The following KIF16B variants were observed in gnomAD, a reference collection of about 807,000 sequenced individuals.
KIF16B encodes kinesin family member 16B, also known as kinesin-like protein KIF16B.
In KIF16B, 98 loss-of-function variants were observed where a neutral mutation model predicts 156.3. The ratio of observed to expected loss-of-function variants is 0.63; its 90% CI spans 0.53 to 0.74. KIF16B has a LOEUF of 0.74. Among genes scored for constraint, KIF16B ranks in the 30% least tolerant of loss-of-function variants. KIF16B has a pLI of 0.00. For missense variants in KIF16B, 1,421 were observed against 1,606.5 expected (o/e 0.88, Z 1.97); for synonymous variants, 564 against 583.7 (o/e 0.97, Z 0.49).
chr20:16,539,574 C>T (rs189854154), intron 1 of KIF16B, among the ~76,000 whole-genome samples: 105 of 152,248 alleles, frequency 6.9e-4, no homozygotes, highest in African/African-American at 2.4e-3. Flanking sequence ...TGCTCTCATT[C>T]TTTCCATGTG....
At chr20:16,527,704 GT>G (rs1263183214) in intron 2 of KIF16B, among the ~76,000 whole-genome samples, 3 of 152,090 alleles carry the variant, frequency 2.0e-5, no homozygotes, top group Non-Finnish European at 4.4e-5. Flanking sequence ...AGCCTCTCGA[GT>G]AGCTAGGACC....
Position 16,404,795 on chromosome 20 carries a change from ATGC to A in KIF16B, c.1784+15_1784+17del, listed in dbSNP as rs747657818. 438 of 1,560,664 alleles carry A rather than the reference ATGC, an allele frequency of 2.8e-4. 1 individual carries two copies. Among genetic ancestry groups the A allele is most frequent in the Non-Finnish European group, 1.7e-4 (198 of 1,131,752 alleles). On this transcript the variant is annotated intron_variant, in intron 17 of 25. Transcript: ENST00000354981. The stretch of plus-strand genomic sequence containing the variant: ...AAAAGTGATCATCACAGGGAAGGAG[ATGC>A]TGCTGTTCACTCACCCGGGGTTATA...
chr20:16,390,955 C>A (rs2065349338), intron 17 of KIF16B, among the ~76,000 whole-genome samples: 1 of 152,032 alleles, frequency 6.6e-6, no homozygotes, highest in South Asian at 2.1e-4. Flanking sequence ...ATGTAAGGAG[C>A]CCAGTGGGAA....
chr20:16,455,133 A>T (rs1488440445), intron 12 of KIF16B, among the ~76,000 whole-genome samples: 1 of 152,232 alleles, frequency 6.6e-6, no homozygotes, highest in Non-Finnish European at 1.5e-5. Context: ...TCAAAGGAGA[A>T]AAAGCCAAAG....
chr20:16,552,120 G>A (rs761540837), intron 1 of KIF16B, among the ~76,000 whole-genome samples: 4 of 152,114 alleles, frequency 2.6e-5, no homozygotes, highest in Non-Finnish European at 5.9e-5. Context: ...TTTTAATTCA[G>A]CCTTGTCTCT....
At chr20:16,462,637 G>A (rs2067378749) in intron 12 of KIF16B, among the ~76,000 whole-genome samples, 1 of 151,942 alleles carries the variant, frequency 6.6e-6, no homozygotes, top group African/African-American at 2.4e-5. Flanking sequence ...ACTGATACAG[G>A]AGCTCAAAAA....
rs1203210833 is a variant in KIF16B at position 16,467,799 on chromosome 20, G to A, written c.1302+26492C>T. On this transcript the variant is annotated intron_variant, in intron 12 of 25. Coordinates refer to ENST00000354981, the MANE Select transcript of KIF16B (RefSeq NM_024704.5). ...AAAATGAAAATAAAGAGACAACACT[G>A]GAAAAGGAATAAGTGAAGATAAAAT... Among the ~76,000 whole-genome samples the A allele has an allele frequency of 2.0e-5, 3 of 151,692 alleles. No homozygotes were observed. The South Asian group carries it at 6.2e-4, about 32-fold the overall frequency.
chr20:16,273,855 G>C (rs1319509094), intron 25 of KIF16B, among the ~76,000 whole-genome samples: 1 of 152,114 alleles, frequency 6.6e-6, no homozygotes, highest in Admixed American at 6.5e-5. Flanking sequence ...AACCAGAGAA[G>C]ACGGAGTCAC....
intron 23 of KIF16B, among the ~76,000 whole-genome samples, chr20:16,355,208 G>A (rs961490270): frequency 3.1e-4 from 47 of 152,164 alleles, no homozygotes; most frequent in African/African-American, 1.1e-3. Context: ...GTGGGGACAG[G>A]CAGGGGAGAC....
At chr20:16,487,009 T>C (rs2068136597) in intron 12 of KIF16B, among the ~76,000 whole-genome samples, 2 of 151,976 alleles carry the variant, frequency 1.3e-5, no homozygotes, top group Non-Finnish European at 2.9e-5. Context: ...ATCTCAGCAG[T>C]TTGGGAGGCT....
intron 25 of KIF16B, among the ~76,000 whole-genome samples, chr20:16,309,332 C>T (rs530389069): frequency 6.6e-6 from 1 of 152,248 alleles, no homozygotes; most frequent in East Asian, 1.9e-4. Context: ...CACATTCTTA[C>T]TCTTGCCTTT....
At position 16,455,771 on chromosome 20, in the gene KIF16B, AC is replaced by A. The variant is rs553710052; in HGVS notation, c.1303-25790del. ...TACAAACTGCCTGCCAGGAAATCCT[AC>A]ATATGTATTTATTTGGGGTGGAACA... On this transcript the variant is annotated intron_variant, in intron 12 of 25. Transcript: ENST00000354981. 4.1e-4 allele frequency among the ~76,000 whole-genome samples: 62 copies of A among 152,336 alleles called. 1 individual carries two copies. The highest frequency in any genetic ancestry group is 1.4e-3 in the African/African-American group (59 of 41,582).
intron 12 of KIF16B, among the ~76,000 whole-genome samples, chr20:16,483,582 T>C (rs557375788): frequency 6.6e-6 from 1 of 152,290 alleles, no homozygotes; most frequent in South Asian, 2.1e-4. Context: ...ATGCTCACAG[T>C]GCTGACCATG....
intron 12 of KIF16B, among the ~76,000 whole-genome samples, chr20:16,484,031 T>C (rs6034497): frequency 0.76 from 115,913 of 152,028 alleles, 44,471 homozygotes; most frequent in Non-Finnish European, 0.82. Context: ...TTTTCCTCTC[T>C]GACCGTAGCA....
At chr20:16,410,109 A>AGGTACATATATATATGTT (rs2065904505) in intron 15 of KIF16B, among the ~76,000 whole-genome samples, 7 of 112,008 alleles carry the variant, frequency 6.2e-5, no homozygotes, top group African/African-American at 2.4e-4. Context: ...ATATATATGT[A>AGGTACATATATATATGTT]GGTACATATA....
At chr20:16,338,993 G>T (rs942810485) in intron 23 of KIF16B, among the ~76,000 whole-genome samples, 4 of 152,222 alleles carry the variant, frequency 2.6e-5, no homozygotes, top group African/African-American at 9.7e-5. Flanking sequence ...TTAATGGAAA[G>T]GACAGAAGTG....
At chr20:16,314,043 C>A (rs1015362686) in intron 24 of KIF16B, among the ~76,000 whole-genome samples, 3 of 152,238 alleles carry the variant, frequency 2.0e-5, no homozygotes, top group African/African-American at 7.2e-5. Flanking sequence ...TAGTAACTGA[C>A]ACTCCTATCA....
chr20:16,396,360 G>A (rs529346338), intron 17 of KIF16B, among the ~76,000 whole-genome samples: 2 of 152,184 alleles, frequency 1.3e-5, no homozygotes, highest in South Asian at 4.2e-4. Context: ...AAAGGCTGGG[G>A]AGCACTGAGG....
chr20:16,276,550 G>C (rs746236863), intron 25 of KIF16B, among the ~76,000 whole-genome samples: 1 of 152,140 alleles, frequency 6.6e-6, no homozygotes, highest in East Asian at 1.9e-4. Context: ...CTTCCTTGGC[G>C]CAAAGAAATG....
Sources: allele counts gnomAD v4.1 joint callset (sites outside exome capture counted in the v4.1 genomes callset), GRCh38; gene constraint gnomAD v4.1.1; transcripts MANE v1.5; gene names NCBI Gene and HGNC (gene_info 2026-07-23, HGNC 2026-07-21).